Variants in SNTG2 observed in about 807,000 individuals in gnomAD.
SNTG2 encodes the protein syntrophin gamma 2, also known as gamma-2-syntrophin.
A neutral mutation model predicts 70.9 loss-of-function variants in SNTG2; 74 were observed. The observed-to-expected ratio is 1.04, with a 90% CI of 0.86 to 1.27. The LOEUF is 1.27. Ranked by LOEUF, SNTG2 falls within the 50% of genes most tolerant of loss-of-function variation. The probability of loss-of-function intolerance (pLI) is 0.00; values close to 1 mark genes in which losing one functional copy is unlikely to be tolerated. For missense variants in SNTG2, 717 were observed against 690.7 expected (o/e 1.04, Z -0.43); for synonymous variants, 278 against 273.8 (o/e 1.02, Z -0.15).
chr2:1,312,276 G>A (rs972744274), intron 15 of SNTG2, among the ~76,000 whole-genome samples: 6 of 152,128 alleles, frequency 3.9e-5, no homozygotes, highest in Admixed American at 6.5e-5. Flanking sequence ...GATGGAGGGC[G>A]TCCCTGCCCC....
intron 16 of SNTG2, among the ~76,000 whole-genome samples, chr2:1,334,189 A>G (rs1659679736): frequency 6.6e-6 from 1 of 152,236 alleles, no homozygotes; most frequent in African/African-American, 2.4e-5. Flanking sequence ...AACATATGAA[A>G]AAATGCTCAA....
At chr2:1,219,237 G>A (rs187402159) in intron 9 of SNTG2, among the ~76,000 whole-genome samples, 27 of 152,296 alleles carry the variant, frequency 1.8e-4, no homozygotes, top group Admixed American at 1.8e-3. Flanking sequence ...CGCCATGATT[G>A]TAAGTTTCCT....
chr2:1,279,772 G>T (rs1490414652), intron 14 of SNTG2, among the ~76,000 whole-genome samples: 3 of 152,186 alleles, frequency 2.0e-5, no homozygotes, highest in Non-Finnish European at 4.4e-5. Flanking sequence ...TTCCAGGACC[G>T]CTATTTCTGG....
intron 9 of SNTG2, among the ~76,000 whole-genome samples, chr2:1,227,800 T>G (rs1432807134): frequency 6.6e-6 from 1 of 152,246 alleles, no homozygotes; most frequent in Non-Finnish European, 1.5e-5. Context: ...ACAAGTTCCC[T>G]GGTGATTCTT....
chr2:1,295,946 G>A (rs528277095), intron 14 of SNTG2, among the ~76,000 whole-genome samples: 3 of 145,800 alleles, frequency 2.1e-5, no homozygotes, highest in East Asian at 2.2e-4. Context: ...CGTCACCATC[G>A]ATGGCTTTCA....
chr2:995,956 GT>G (rs1271079590), intron 1 of SNTG2, among the ~76,000 whole-genome samples: 1 of 152,088 alleles, frequency 6.6e-6, no homozygotes, highest in Admixed American at 6.5e-5. Context: ...AGAATTTCTG[GT>G]TTTAAAATTT....
At chr2:1,297,077 T>C (rs1242481898) in intron 14 of SNTG2, among the ~76,000 whole-genome samples, 2 of 152,026 alleles carry the variant, frequency 1.3e-5, no homozygotes, top group Non-Finnish European at 2.9e-5. Context: ...CCTCCATACT[T>C]CCCTGAAGGA....
At chr2:1,142,714 CA>C (rs1668838971) in intron 6 of SNTG2, among the ~76,000 whole-genome samples, 1 of 152,176 alleles carries the variant, frequency 6.6e-6, no homozygotes, top group South Asian at 2.1e-4. Flanking sequence ...TAAACAAATT[CA>C]ATCCAGAATC....
intron 2 of SNTG2, among the ~76,000 whole-genome samples, chr2:1,088,306 C>T (rs538227774): frequency 9.7e-4 from 147 of 152,312 alleles, no homozygotes; most frequent in Middle Eastern, 3.4e-3. Flanking sequence ...GAATCTGTTT[C>T]TTTCCAGTTT....
chr2:1,086,288 G>A (rs1664678450), intron 2 of SNTG2, among the ~76,000 whole-genome samples: 1 of 152,188 alleles, frequency 6.6e-6, no homozygotes, highest in South Asian at 2.1e-4. Flanking sequence ...CTGAGCCAGA[G>A]AGGAAGACAC....
At position 982,577 on chromosome 2, in the gene SNTG2, C is replaced by T. The variant is rs568617628; in HGVS notation, c.72+31509C>T. ...TAATGTAAAATACGAAATGTGATTCCAATCAAAAACATCTTCAGATTGTGA... is the reference window on the plus strand; with the variant it reads ...TAATGTAAAATACGAAATGTGATTCTAATCAAAAACATCTTCAGATTGTGA... On this transcript the variant is annotated intron_variant, in intron 1 of 16. Transcript: ENST00000308624. 2.6e-5 allele frequency among the ~76,000 whole-genome samples: 4 copies of T among 152,300 alleles called. No homozygotes were observed. In the South Asian group the frequency reaches 6.2e-4, roughly 24 times the overall value.
chr2:1,084,094 A>G (rs552991382), intron 2 of SNTG2, among the ~76,000 whole-genome samples: 1 of 152,146 alleles, frequency 6.6e-6, no homozygotes, highest in Non-Finnish European at 1.5e-5. Context: ...ACCATGTGAG[A>G]TGTGGAATGT....
intron 14 of SNTG2, among the ~76,000 whole-genome samples, chr2:1,289,382 GC>G (rs1443467962): frequency 2.0e-5 from 3 of 151,926 alleles, no homozygotes; most frequent in Non-Finnish European, 4.4e-5. Context: ...TCTACTCACT[GC>G]CCGCATGTGT....
intron 1 of SNTG2, among the ~76,000 whole-genome samples, chr2:1,020,392 CTTACAACCATCAGCAGGCAGGCCACGG>C (rs1024988358): frequency 1.3e-5 from 2 of 152,210 alleles, no homozygotes; most frequent in Non-Finnish European, 2.9e-5. Context: ...GAGGGAACCA[CTTACAACCATCAGCAGGCAGGCCACGG>C]TGGAGCCTCA....
intron 1 of SNTG2, among the ~76,000 whole-genome samples, chr2:1,061,304 C>CA (rs1662809680): frequency 6.6e-6 from 1 of 152,114 alleles, no homozygotes; most frequent in Non-Finnish European, 1.5e-5. Context: ...AGGCAATTAA[C>CA]AAAAATGGAA....
chr2:1,137,231 A>G (rs912020774), intron 4 of SNTG2, among the ~76,000 whole-genome samples: 7 of 150,968 alleles, frequency 4.6e-5, no homozygotes, highest in Non-Finnish European at 8.8e-5. Context: ...ACATCAACAG[A>G]TTCACATGCT....
At chr2:1,133,917 C>T (rs1009265932) in intron 4 of SNTG2, among the ~76,000 whole-genome samples, 11 of 117,914 alleles carry the variant, frequency 9.3e-5, no homozygotes, top group Middle Eastern at 4.2e-3. Flanking sequence ...CGGACCCTCG[C>T]GGTGAGTGTT....
intron 1 of SNTG2, among the ~76,000 whole-genome samples, chr2:975,578 A>G (rs1333377414): frequency 2.0e-5 from 3 of 152,248 alleles, no homozygotes; most frequent in Non-Finnish European, 4.4e-5. Context: ...AGAAAATACA[A>G]ACCCAAAACA....
At chr2:1,273,700 A>G (rs1461497454) in intron 14 of SNTG2, among the ~76,000 whole-genome samples, 1 of 151,354 alleles carries the variant, frequency 6.6e-6, no homozygotes, top group East Asian at 1.9e-4. Flanking sequence ...ACAAAACTAT[A>G]AAACTTTTAG....
Sources: gnomAD v4.1 joint callset for allele counts (sites outside exome capture counted in the v4.1 genomes callset) on GRCh38, gnomAD v4.1.1 for gene constraint, MANE v1.5 for transcripts, NCBI Gene and HGNC (gene_info 2026-07-23, HGNC 2026-07-21) for gene names.